The following AP5Z1 variants were observed in gnomAD, a reference collection of about 807,000 sequenced individuals.
AP5Z1 encodes adaptor related protein complex 5 subunit zeta 1, also known as AP-5 complex subunit zeta-1.
AP5Z1 carries 106 observed loss-of-function variants against 83.0 expected under a neutral mutation model. The observed-to-expected ratio is 1.28, with a 90% CI of 1.09 to 1.50. The LOEUF (loss-of-function observed/expected upper bound fraction) is 1.50. AP5Z1 is among the 40% of genes most tolerant of loss of function. AP5Z1 has a pLI of 0.00. For synonymous variants in AP5Z1, 751 were observed against 514.1 expected (o/e 1.46, Z -6.23); for missense variants, 1,565 against 1,094.2 (o/e 1.43, Z -6.07).
Position 4,791,244 on chromosome 7 carries a change from T to A in AP5Z1, c.2283T>A (p.Pro761=). The A allele has an allele frequency of 6.2e-7, 1 of 1,612,772 alleles. No homozygotes were observed. Among genetic ancestry groups the A allele is most frequent in the Non-Finnish European group, 8.5e-7 (1 of 1,179,858 alleles). Residue 761 remains proline (P), a synonymous_variant, in exon 17 of 17, where the codon CCT becomes CCA. Transcript: ENST00000649063. Reference sequence around the variant, plus strand: ...AGCTGCTGACCCTGCTGAAGATGCCTAGCGTGGCCCAGTTTGTGCTCACAC... The same window carrying A: ...AGCTGCTGACCCTGCTGAAGATGCCAAGCGTGGCCCAGTTTGTGCTCACAC... ...ATELLTLLKM[P]SVAQFVLTPS...
intron 14 of AP5Z1, chr7:4,790,231 C>G (rs199591978): frequency 1.9e-6 from 3 of 1,549,862 alleles, no homozygotes; most frequent in Non-Finnish European, 1.7e-6. Flanking sequence ...GCATGCAGGC[C>G]CATCCTGGTT....
chr7:4,791,061 C>T, intron 16 of AP5Z1, 54 bp from the exon 17 acceptor site: 4 of 1,510,672 alleles, frequency 2.6e-6, no homozygotes, highest in Middle Eastern at 1.8e-4. Context: ...CCACACAGAC[C>T]CCTGTCCTGG....
rs908638350 is a variant in AP5Z1 at position 4,784,334 on chromosome 7, G to A, written c.753G>A (p.Leu251=). The A allele has an allele frequency of 2.5e-6, 4 of 1,597,626 alleles. No homozygotes were observed. The highest frequency in any genetic ancestry group is 2.7e-5 in the African/African-American group (2 of 74,606). The part of the protein sequence containing the change: ...QAFSMLRAWL[L]HSGPEGPGTL... ...TCTCTATGCTGCGGGCGTGGCTGCT[G>A]CACAGCGGCCCCGAGGGCCCGGGCA... The change falls in exon 6 of 17, where the codon CTG becomes CTA. Residue 251 remains leucine (L), a synonymous_variant. Transcript: ENST00000649063.
At position 4,790,585 on chromosome 7, in the gene AP5Z1, C is replaced by T. The variant is rs776150264; in HGVS notation, c.1932C>T (p.Thr644=). Residue 644 remains threonine, a synonymous_variant, in exon 15 of 17, where the codon ACC becomes ACT. Coordinates refer to ENST00000649063, the MANE Select transcript of AP5Z1 (RefSeq NM_014855.3). ...TCTGCAGCAGGGCGAGCCTCGTCAC[C>T]AGCGTGGTAAGGCGGGCGCTGGCCT... is the stretch of plus-strand genomic sequence containing the variant. ...NGLCSRASLV[T]SVVWAIGEYL... 1.2e-6 allele frequency: 2 copies of T among 1,612,962 alleles called. No individual in the cohort carries two copies. Among genetic ancestry groups the T allele is most frequent in the Non-Finnish European group, 1.7e-6 (2 of 1,179,836 alleles).
rs763232270 is a variant in AP5Z1, at chr7:4,788,794, C to G, written c.1596-46C>G. The G allele has an allele frequency of 4.0e-6, 6 of 1,490,486 alleles. No homozygotes were observed. The East Asian group carries it at 9.6e-5, about 24-fold the overall frequency. 92.3% of individuals were successfully genotyped at this position (1,490,486 alleles called of 1,614,324 possible). On this transcript the variant is annotated intron_variant, in intron 12 of 16. Coordinates refer to ENST00000649063, the MANE Select transcript of AP5Z1 (RefSeq NM_014855.3). ...GCGACGTGGCCCCGGCCTGCAGTCA[C>G]CAGGTCGGGGAGCGGGCAGCACTCA... is the stretch of plus-strand genomic sequence containing the variant.
chr7:4,781,803 AG>A, intron 3 of AP5Z1, 49 bp downstream of exon 3: 1 of 1,496,614 alleles, frequency 6.7e-7, no homozygotes, highest in Non-Finnish European at 8.9e-7. Flanking sequence ...CTGCTTCCCA[AG>A]GAACAGGGGA....
At chr7:4,778,863 T>C (rs1781293939) in intron 1 of AP5Z1, among the ~76,000 whole-genome samples, 1 of 144,656 alleles carries the variant, frequency 6.9e-6, no homozygotes, top group Non-Finnish European at 1.5e-5. Flanking sequence ...TATATAATAT[T>C]TTATATATAA....
chr7:4,775,708 G>C lies in AP5Z1; in HGVS notation c.-8G>C. 1 of 1,607,000 alleles carries C rather than the reference G, an allele frequency of 6.2e-7. No individual in the cohort carries two copies. Among genetic ancestry groups the C allele is most frequent in the African/African-American group, 1.3e-5 (1 of 75,068 alleles). The stretch of plus-strand genomic sequence containing the variant: ...CGAGGTTCGTGCGCGTCTGGTGGCG[G>C]CGGCGTGATGTTCTCGGCAGGAGCG... On this transcript the variant is annotated 5_prime_UTR_variant, in exon 1 of 17. Coordinates refer to ENST00000649063, the MANE Select transcript of AP5Z1 (RefSeq NM_014855.3).
chr7:4,779,323 C>T (rs899029907), intron 1 of AP5Z1, among the ~76,000 whole-genome samples: 9 of 145,724 alleles, frequency 6.2e-5, no homozygotes, highest in Admixed American at 1.4e-4. Context: ...TAACATAACA[C>T]GTTATATATG....
intron 1 of AP5Z1, among the ~76,000 whole-genome samples, chr7:4,776,807 G>A (rs538268868): frequency 6.6e-6 from 1 of 152,228 alleles, no homozygotes; most frequent in African/African-American, 2.4e-5. Context: ...AACAAACTTG[G>A]TGAGGTGAGA....
rs576023643 is a variant in AP5Z1, at chr7:4,788,469, C to T, written c.1595+175C>T. On this transcript the variant is annotated intron_variant, in intron 12 of 16. Transcript: ENST00000649063. ...CCCTGCTTCTGCACCACGGGTCTGC[C>T]GGGGGCGGGGCCTGGTCTCAGCTCT... is the stretch of plus-strand genomic sequence containing the variant. The T allele has an allele frequency of 4.5e-5, 37 of 819,418 alleles. 1 individual carries two copies. Among genetic ancestry groups the T allele is most frequent in the Middle Eastern group, 2.6e-4 (1 of 3,814 alleles). 50.8% of individuals were successfully genotyped at this position (819,418 alleles called of 1,614,324 possible).
In AP5Z1 at chr7:4,791,542, G is replaced by C; in HGVS notation, c.*157G>C. The C allele has an allele frequency of 9.0e-7, 1 of 1,115,510 alleles. No individual in the cohort carries two copies. Among genetic ancestry groups the C allele is most frequent in the Non-Finnish European group, 1.3e-6 (1 of 799,652 alleles). 69.1% of individuals were successfully genotyped at this position (1,115,510 alleles called of 1,614,324 possible). ...GCACCCTCACAGACACGCGGGGCTG[G>C]CCCCCCTGCTCACCCTCTGGGCTTT... On this transcript the variant is annotated 3_prime_UTR_variant, in exon 17 of 17. Transcript: ENST00000649063.
chr7:4,789,066 C>T (rs1781657029), intron 13 of AP5Z1, 115 bp downstream of exon 13: 1 of 892,180 alleles, frequency 1.1e-6, no homozygotes, highest in South Asian at 1.6e-5. Flanking sequence ...CCGCCACACC[C>T]ACCATCCACG....
Position 4,789,913 on chromosome 7 carries a change from G to T in AP5Z1, c.1789G>T (p.Ala597Ser). The T allele has an allele frequency of 6.5e-7, 1 of 1,547,402 alleles. No homozygotes were observed. Among genetic ancestry groups the T allele is most frequent in the Non-Finnish European group, 8.7e-7 (1 of 1,145,586 alleles). The part of the protein sequence containing the change: ...SDSLYPAPGY[A>S]AGVHSVLSSQ... ...CTCGCTCTACCCGGCCCCAGGGTAC[G>T]CTGCCGGTGTGCACAGGTAGGTCCC... Residue 597 changes from alanine (A) to serine (S), a missense_variant, in exon 14 of 17, where the codon GCT becomes TCT. Physicochemically the swap from Ala to Ser is moderately conservative, Grantham distance 99. Transcript: ENST00000649063.
At chr7:4,789,780 A>G (rs1314186194) in intron 13 of AP5Z1, 52 bp from the exon 14 acceptor site, 2 of 1,447,868 alleles carry the variant, frequency 1.4e-6, no homozygotes, top group African/African-American at 1.4e-5. Flanking sequence ...CCCCAACCTT[A>G]GGGCCTGCAG....
chr7:4,775,827 C>T, intron 1 of AP5Z1, 71 bp downstream of exon 1: 1 of 1,567,948 alleles, frequency 6.4e-7, no homozygotes. Flanking sequence ...GTGGGTCTCA[C>T]AGGGCAGGGG....
rs541881743 is a variant in AP5Z1 at position 4,792,262 on chromosome 7, C to A, written c.*877C>A. 6.6e-6 allele frequency: 1 copy of A among 152,274 alleles called. No individual in the cohort carries two copies. 9.4% of individuals were successfully genotyped at this position (152,274 alleles called of 1,614,324 possible). A position where few individuals can be genotyped will look rare whatever the true frequency, so the allele number is the denominator to read the frequency against. On this transcript the variant is annotated 3_prime_UTR_variant, in exon 17 of 17. Transcript: ENST00000649063. ...GACGGGCTCAGCCGCCAGGGGGCGCCGCCGCCCCGAGAGCCTCACGCCCCG... is the reference window on the plus strand; with the variant it reads ...GACGGGCTCAGCCGCCAGGGGGCGCAGCCGCCCCGAGAGCCTCACGCCCCG...
rs1247911995 is a variant in AP5Z1 at position 4,789,869 on chromosome 7, T to C, written c.1745T>C (p.Leu582Pro). ...DGSLINQLAL[L>P]LLGRSDSLYP... Reference sequence around the variant, plus strand: ...TCCCTGATCAACCAGCTGGCGCTGCTGCTCCTGGGCAGGAGCGACTCGCTC... The same window carrying C: ...TCCCTGATCAACCAGCTGGCGCTGCCGCTCCTGGGCAGGAGCGACTCGCTC... The change falls in exon 14 of 17, where the codon CTG becomes CCG. Residue 582 changes from leucine to proline, a missense_variant. Coordinates refer to ENST00000649063, the MANE Select transcript of AP5Z1 (RefSeq NM_014855.3). The C allele has an allele frequency of 2.6e-6, 4 of 1,553,224 alleles. No homozygotes were observed. Among genetic ancestry groups the C allele is most frequent in the Non-Finnish European group, 1.7e-6 (2 of 1,148,642 alleles).
intron 6 of AP5Z1, among the ~76,000 whole-genome samples, chr7:4,784,707 G>C (rs1161504597): frequency 2.6e-5 from 4 of 152,202 alleles, no homozygotes; most frequent in Admixed American, 6.5e-5. Flanking sequence ...GGACTTGTTG[G>C]GGAAGAAGCC....
Sources: gnomAD v4.1 joint callset for allele counts (sites outside exome capture counted in the v4.1 genomes callset) on GRCh38, gnomAD v4.1.1 for gene constraint, MANE v1.5 for transcripts, NCBI Gene and HGNC (gene_info 2026-07-23, HGNC 2026-07-21) for gene names.